GABRG3: variants seen among roughly 807,000 people sequenced by gnomAD.
GABRG3 encodes the protein gamma-aminobutyric acid receptor subunit gamma-3.
GABRG3 carries 25 observed loss-of-function variants against 48.8 expected under a neutral mutation model. That is an observed-to-expected ratio of 0.51 (90% CI 0.37 to 0.72). The LOEUF (loss-of-function observed/expected upper bound fraction) is 0.72. Among genes scored for constraint, GABRG3 ranks in the 30% least tolerant of loss-of-function variants. The pLI, the probability that GABRG3 is intolerant of heterozygous loss-of-function variation, is 0.00. For synonymous variants in GABRG3, 227 were observed against 217.6 expected, an observed-to-expected ratio of 1.04 and a Z score of -0.38; for missense variants, 394 against 577.9, an observed-to-expected ratio of 0.68 and a Z score of 3.26.
chr15:27,016,240 CTTT>C (rs34202673), intron 2 of GABRG3, among the ~76,000 whole-genome samples: 2 of 140,712 alleles, frequency 1.4e-5, no homozygotes, highest in Non-Finnish European at 1.5e-5. Flanking sequence ...TTCTTTCTTT[CTTT>C]TTTTTTTTTT....
At chr15:27,379,903 C>T (rs780378418) in intron 5 of GABRG3, among the ~76,000 whole-genome samples, 19 of 151,844 alleles carry the variant, frequency 1.3e-4, no homozygotes, top group Non-Finnish European at 1.8e-4. Flanking sequence ...GCTGAGTTCC[C>T]GAATCCGTGA....
rs1193367709 is a variant in GABRG3, at chr15:27,541,076, C to T, written c.*8195C>T. The T allele has an allele frequency of 6.6e-6, 1 of 152,182 alleles. No homozygotes were observed. Among genetic ancestry groups the T allele is most frequent in the African/African-American group, 2.4e-5 (1 of 41,440 alleles). The allele number at this position is 152,182 out of a possible 1,614,324, so 9.4% of individuals were successfully genotyped here. ...TTTCCTGACAAAGTGGGATCATGTT[C>T]TTTCCAAGAAAAGGAAAAGAAATCC... On this transcript the variant is annotated 3_prime_UTR_variant, in exon 10 of 10. Transcript: ENST00000615808.
At chr15:27,089,714 A>G (rs998140738) in intron 3 of GABRG3, among the ~76,000 whole-genome samples, 6 of 152,198 alleles carry the variant, frequency 3.9e-5, no homozygotes, top group African/African-American at 1.4e-4. Context: ...ACATCTTGCC[A>G]GGACGGCAAA....
intron 3 of GABRG3, among the ~76,000 whole-genome samples, chr15:27,171,654 C>T (rs578223086): frequency 6.6e-6 from 1 of 151,936 alleles, no homozygotes; most frequent in South Asian, 2.1e-4. Context: ...TACCTGACAC[C>T]ATAGCTTTTG....
chr15:26,976,574 G>A lies in GABRG3; in HGVS notation c.54-428G>A, dbSNP rs561624678. ...TGCAAAAGCTAATCTCACCTTCAAC[G>A]AAAATGAGGTCTTGGTGGTCAGGGT... is the stretch of plus-strand genomic sequence containing the variant. On this transcript the variant is annotated intron_variant, in intron 1 of 9. Coordinates refer to ENST00000615808, the MANE Select transcript of GABRG3 (RefSeq NM_033223.5). The surrounding 1 kb of genome is among the most constrained non-coding windows in gnomAD (Gnocchi z 7.8). Among the ~76,000 whole-genome samples the A allele has an allele frequency of 3.3e-5, 5 of 152,144 alleles. No individual in the cohort carries two copies. The highest frequency in any genetic ancestry group is 4.2e-4 in the South Asian group (2 of 4,810).
At chr15:27,381,668 G>A (rs1895781606) in intron 5 of GABRG3, among the ~76,000 whole-genome samples, 1 of 152,200 alleles carries the variant, frequency 6.6e-6, no homozygotes, top group Admixed American at 6.5e-5. Flanking sequence ...TCTAAGACGA[G>A]TTTTTGATTT....
At chr15:27,304,328 C>T (rs1355976627) in intron 3 of GABRG3, among the ~76,000 whole-genome samples, 1 of 151,872 alleles carries the variant, frequency 6.6e-6, no homozygotes, top group Non-Finnish European at 1.5e-5. Flanking sequence ...TACAAAAAGT[C>T]TCCCAAAACT....
intron 3 of GABRG3, among the ~76,000 whole-genome samples, chr15:27,095,625 G>C (rs548331288): frequency 3.2e-4 from 49 of 152,286 alleles, no homozygotes; most frequent in South Asian, 1.2e-3. Context: ...TTCTAGCAGA[G>C]AATGATGCCA....
chr15:27,532,411 C>T (rs1304891465), intron 9 of GABRG3, among the ~76,000 whole-genome samples, 189 bp from the exon 10 acceptor site: 1 of 141,148 alleles, frequency 7.1e-6, no homozygotes, highest in Non-Finnish European at 1.5e-5. Context: ...CTATTAAACT[C>T]TCTGCTCCTT....
At position 27,000,493 on chromosome 15, in the gene GABRG3, T is replaced by A. The variant is rs959936901; in HGVS notation, c.202+23343T>A. 7.2e-5 allele frequency among the ~76,000 whole-genome samples: 11 copies of A among 152,306 alleles called. No homozygotes were observed. The South Asian group carries it at 2.3e-3, about 32-fold the overall frequency. On this transcript the variant is annotated intron_variant, in intron 2 of 9. Transcript: ENST00000615808. ...TCATATTCAATTGTAATTCCCAGTG[T>A]TGGAGGTGGTGCCTGATGGAGGTGA... is the stretch of plus-strand genomic sequence containing the variant.
At position 27,537,934 on chromosome 15, in the gene GABRG3, G is replaced by T. The variant is rs1891586717; in HGVS notation, c.*5053G>T. ...GGCTCACTGCAACCTCCACCTCCCG[G>T]GTTCAAGCAATTCTCTTGCCTCAGC... On this transcript the variant is annotated 3_prime_UTR_variant, in exon 10 of 10. Coordinates refer to ENST00000615808, the MANE Select transcript of GABRG3 (RefSeq NM_033223.5). The T allele has an allele frequency of 6.6e-6, 1 of 151,792 alleles. No homozygotes were observed. Among genetic ancestry groups the T allele is most frequent in the African/African-American group, 2.4e-5 (1 of 41,306 alleles). The allele number at this position is 151,792 out of a possible 1,614,324, so 9.4% of individuals were successfully genotyped here.
At chr15:27,293,571 G>A (rs914457534) in intron 3 of GABRG3, among the ~76,000 whole-genome samples, 10 of 152,064 alleles carry the variant, frequency 6.6e-5, no homozygotes, top group Non-Finnish European at 1.3e-4. Context: ...AGCTACTTGG[G>A]AGGCTGAAGC....
At chr15:26,999,376 C>T (rs1352280379) in intron 2 of GABRG3, among the ~76,000 whole-genome samples, 1 of 152,058 alleles carries the variant, frequency 6.6e-6, no homozygotes, top group African/African-American at 2.4e-5. Context: ...AGGAACCAAT[C>T]CCCTGCCAAT....
rs115351581 is a variant in GABRG3, at chr15:27,336,671, G to A, written c.574+7783G>A. 7.8e-3 allele frequency among the ~76,000 whole-genome samples: 1,192 copies of A among 152,248 alleles called. 16 individuals are homozygous for A. Among genetic ancestry groups the A allele is most frequent in the African/African-American group, 0.027 (1,132 of 41,538 alleles). ...GCGATTGCAAGCTTGGGCATTTATC[G>A]TGGAGAAATGAATAGTTATGTTGAC... On this transcript the variant is annotated intron_variant, in intron 5 of 9. Transcript: ENST00000615808.
chr15:27,382,443 T>C, intron 5 of GABRG3, among the ~76,000 whole-genome samples: 1 of 151,886 alleles, frequency 6.6e-6, no homozygotes, highest in South Asian at 2.1e-4. Flanking sequence ...AAAAAACAAG[T>C]AAAAGTTCTA....
chr15:27,009,698 A>T (rs570137066), intron 2 of GABRG3, among the ~76,000 whole-genome samples: 2 of 152,208 alleles, frequency 1.3e-5, no homozygotes, highest in South Asian at 4.1e-4. Flanking sequence ...CATCAATCCA[A>T]ATTTGGAGCC....
intron 5 of GABRG3, among the ~76,000 whole-genome samples, chr15:27,423,721 C>CT (rs542775399): frequency 0.1 from 8,217 of 81,758 alleles, 1,616 homozygotes; most frequent in African/African-American, 0.25. Flanking sequence ...TTTTCTTTTC[C>CT]TTTTTTTTTT....
At chr15:26,971,986 C>G (rs1351999588) in intron 1 of GABRG3, among the ~76,000 whole-genome samples, 2 of 152,038 alleles carry the variant, frequency 1.3e-5, no homozygotes, top group Admixed American at 6.6e-5. Flanking sequence ...ATTTCCATCA[C>G]TCTGAAATTT....
intron 2 of GABRG3, among the ~76,000 whole-genome samples, chr15:27,011,604 T>C (rs1409311496): frequency 6.6e-6 from 1 of 151,984 alleles, no homozygotes; most frequent in Non-Finnish European, 1.5e-5. Context: ...TCCCAGCACT[T>C]TGGGAGGCTG....
Sources: gnomAD v4.1 joint callset for allele counts (sites outside exome capture counted in the v4.1 genomes callset) on GRCh38, gnomAD v4.1.1 for gene constraint, Gnocchi (gnomAD v3.1) non-coding constraint, MANE v1.5 for transcripts, NCBI Gene and HGNC (gene_info 2026-07-23, HGNC 2026-07-21) for gene names.